Variants in PPARGC1A observed in about 807,000 individuals in gnomAD.
The protein encoded by PPARGC1A is peroxisome proliferator-activated receptor gamma coactivator 1-alpha.
PPARGC1A carries 25 observed loss-of-function variants against 88.7 expected under a neutral mutation model. That is an observed-to-expected ratio of 0.28 (90% CI 0.21 to 0.39). The LOEUF (loss-of-function observed/expected upper bound fraction) is 0.39, where lower values mean the gene tolerates loss of function less well. Ranked by LOEUF, PPARGC1A falls within the 10% of genes least tolerant of loss-of-function variation. The pLI is 1.00. For missense variants in PPARGC1A, 880 were observed against 968.7 expected (o/e 0.91, Z 1.22); for synonymous variants, 363 against 355.6 (o/e 1.02, Z -0.24).
At chr4:24,308,477 A>G in the PPARGC1A span, among the ~76,000 whole-genome samples, 1 of 152,156 alleles carries the variant, frequency 6.6e-6, no homozygotes, top group African/African-American at 2.4e-5. Flanking sequence ...TATGTTGCAC[A>G]GAGGAATTAA....
chr4:24,016,673 C>T, the PPARGC1A span, among the ~76,000 whole-genome samples: 1 of 152,012 alleles, frequency 6.6e-6, no homozygotes, highest in Non-Finnish European at 1.5e-5. Context: ...CTAGACAGGC[C>T]CCAATAGAAT....
the PPARGC1A span, among the ~76,000 whole-genome samples, chr4:24,311,327 T>C: frequency 5.5e-5 from 8 of 144,952 alleles, no homozygotes; most frequent in Non-Finnish European, 1.2e-4. Flanking sequence ...GGTCTCGATC[T>C]CCTGACCTCA....
intron 3 of PPARGC1A, 135 bp downstream of exon 3, chr4:23,831,413 TTTGCAACTC>T: frequency 1.5e-6 from 1 of 649,846 alleles, no homozygotes; most frequent in African/African-American, 1.8e-5. Flanking sequence ...AATCACACAA[TTTGCAACTC>T]TGAGTGTGCT....
chr4:23,984,474 A>C, the PPARGC1A span, among the ~76,000 whole-genome samples: 8 of 152,140 alleles, frequency 5.3e-5, no homozygotes, highest in Admixed American at 4.6e-4. Context: ...TTTCCGTATC[A>C]TGTGTGCTTT....
chr4:24,048,195 C>T, the PPARGC1A span, among the ~76,000 whole-genome samples: 1 of 152,138 alleles, frequency 6.6e-6, no homozygotes, highest in Admixed American at 6.5e-5. Flanking sequence ...TTATCTTTTT[C>T]GTCACCCTTG....
chr4:24,451,718 C>T, the PPARGC1A span, among the ~76,000 whole-genome samples: 2 of 152,226 alleles, frequency 1.3e-5, no homozygotes, highest in Non-Finnish European at 2.9e-5. Context: ...GCTGGGATTA[C>T]AGGCACACGC....
At chr4:24,032,523 C>A in the PPARGC1A span, among the ~76,000 whole-genome samples, 2,001 of 152,330 alleles carry the variant, frequency 0.013, 51 homozygotes, top group African/African-American at 0.046. Flanking sequence ...CACCTTCTGG[C>A]CTTTCAGACA....
chr4:24,143,314 G>T, the PPARGC1A span, among the ~76,000 whole-genome samples: 1 of 152,120 alleles, frequency 6.6e-6, no homozygotes, highest in African/African-American at 2.4e-5. Flanking sequence ...TCCAATAGGG[G>T]AGGGGGCAAT....
the PPARGC1A span, among the ~76,000 whole-genome samples, chr4:24,201,161 G>T: frequency 1.3e-5 from 2 of 152,154 alleles, no homozygotes; most frequent in East Asian, 1.9e-4. Flanking sequence ...TCACCATAAT[G>T]CACCTATTTT....
the PPARGC1A span, among the ~76,000 whole-genome samples, chr4:24,164,271 C>T: frequency 6.6e-6 from 1 of 152,098 alleles, no homozygotes; most frequent in Admixed American, 6.6e-5. Context: ...CAGAAGCAAA[C>T]CCTCAGAGTC....
chr4:24,141,956 T>C, the PPARGC1A span, among the ~76,000 whole-genome samples: 5 of 152,210 alleles, frequency 3.3e-5, no homozygotes, highest in African/African-American at 9.6e-5. Context: ...TCAAAAACCG[T>C]GGCATCCAGC....
At chr4:24,321,662 A>G in the PPARGC1A span, among the ~76,000 whole-genome samples, 173 of 152,358 alleles carry the variant, frequency 1.1e-3, no homozygotes, top group African/African-American at 3.8e-3. Context: ...GCAGAATGTG[A>G]AAATCACCAT....
chr4:24,328,251 GCC>G, the PPARGC1A span, among the ~76,000 whole-genome samples: 23,307 of 130,830 alleles, frequency 0.18, 2,099 homozygotes, highest in Middle Eastern at 0.25. Context: ...GAAATTAGCA[GCC>G]CCCCCCCCAA....
chr4:24,115,126 G>A, the PPARGC1A span, among the ~76,000 whole-genome samples: 4 of 152,092 alleles, frequency 2.6e-5, no homozygotes, highest in Non-Finnish European at 4.4e-5. Flanking sequence ...ACTTTGTCTT[G>A]CCCATGTAAT....
chr4:24,124,541 T>C, the PPARGC1A span, among the ~76,000 whole-genome samples: 1 of 152,262 alleles, frequency 6.6e-6, no homozygotes, highest in African/African-American at 2.4e-5. Flanking sequence ...CAGAGCAGCG[T>C]GGAAACCCTA....
chr4:23,902,939 C>T (rs1719582770), upstream of PPARGC1A, among the ~76,000 whole-genome samples: 1 of 152,216 alleles, frequency 6.6e-6, no homozygotes. Context: ...GACGCCTGTA[C>T]TTAGGATTTC....
At chr4:24,437,269 G>T in the PPARGC1A span, among the ~76,000 whole-genome samples, 1 of 152,198 alleles carries the variant, frequency 6.6e-6, no homozygotes, top group African/African-American at 2.4e-5. Context: ...AGGTGAAGAG[G>T]CCACAGCTCT....
the PPARGC1A span, among the ~76,000 whole-genome samples, chr4:24,258,019 C>T: frequency 6.6e-5 from 10 of 152,054 alleles, no homozygotes; most frequent in African/African-American, 1.9e-4. Context: ...GGTGGCTTTT[C>T]AACATCTGAC....
At chr4:24,096,722 T>C in the PPARGC1A span, among the ~76,000 whole-genome samples, 4 of 152,172 alleles carry the variant, frequency 2.6e-5, no homozygotes, top group East Asian at 1.9e-4. Flanking sequence ...TAATGTCAAA[T>C]TGATGCCAAA....
Sources: allele counts gnomAD v4.1 joint callset (sites outside exome capture counted in the v4.1 genomes callset), GRCh38; gene constraint gnomAD v4.1.1; transcripts MANE v1.5; gene names NCBI Gene and HGNC (gene_info 2026-07-23, HGNC 2026-07-21).